SUPT3H: variants seen among roughly 807,000 people sequenced by gnomAD.
SUPT3H encodes SPT3 homolog, SAGA and STAGA complex component.
SUPT3H carries 44 observed loss-of-function variants against 44.3 expected under a neutral mutation model. That is an observed-to-expected ratio of 0.99 (90% CI 0.78 to 1.28). The LOEUF is 1.28. Among genes scored for constraint, SUPT3H ranks in the 50% most tolerant of loss-of-function variants. The pLI is 0.00. For missense variants in SUPT3H, 380 were observed against 387.1 expected (o/e 0.98, Z 0.15); for synonymous variants, 124 against 125.6 (o/e 0.99, Z 0.09).
chr6:45,316,879 A>C (rs1048140784), intron 2 of SUPT3H, among the ~76,000 whole-genome samples: 4 of 152,202 alleles, frequency 2.6e-5, no homozygotes, highest in Non-Finnish European at 4.4e-5. Context: ...AAATGGAAGA[A>C]GACACAATTA....
chr6:45,020,487 C>T lies in SUPT3H; in HGVS notation c.273+59G>A. Reference sequence around the variant, plus strand: ...ACATAACAAGGATATATAGTTTCCACATGCAAGTTCAATTAAACAAAACGT... The same window carrying T: ...ACATAACAAGGATATATAGTTTCCATATGCAAGTTCAATTAAACAAAACGT... On this transcript the variant is annotated intron_variant, in intron 4 of 10. Transcript: ENST00000371459. 3.1e-6 allele frequency: 4 copies of T among 1,290,430 alleles called. No individual in the cohort carries two copies. The South Asian group carries it at 5.1e-5, about 16-fold the overall frequency. The allele number at this position is 1,290,430 out of a possible 1,614,324, so 79.9% of individuals were successfully genotyped here. A position where few individuals can be genotyped will look rare whatever the true frequency, so the allele number is the denominator to read the frequency against.
intron 1 of SUPT3H, among the ~76,000 whole-genome samples, chr6:45,367,843 CAATTTTTATATCAAACAGGTG>C (rs897427739): frequency 6.6e-6 from 1 of 152,160 alleles, no homozygotes; most frequent in Non-Finnish European, 1.5e-5. Context: ...ACAGTCAAGT[CAATTTTTATATCAAACAGGTG>C]AATAACATTT....
chr6:44,924,205 T>C (rs1769174519), intron 10 of SUPT3H, among the ~76,000 whole-genome samples: 1 of 152,124 alleles, frequency 6.6e-6, no homozygotes, highest in Admixed American at 6.5e-5. Flanking sequence ...AACAAATAAT[T>C]TTTACTATTT....
intron 2 of SUPT3H, among the ~76,000 whole-genome samples, chr6:45,326,043 A>C (rs1295839843): frequency 1.3e-5 from 2 of 151,858 alleles, no homozygotes; most frequent in African/African-American, 4.8e-5. Flanking sequence ...CTGGTCCAAA[A>C]ATTACATGCA....
chr6:45,247,620 C>T (rs1771598497), intron 2 of SUPT3H, among the ~76,000 whole-genome samples: 1 of 151,844 alleles, frequency 6.6e-6, no homozygotes, highest in Non-Finnish European at 1.5e-5. Context: ...TTTGTGCCTA[C>T]CACTCTCAAT....
chr6:44,980,238 C>A (rs1437194745), intron 6 of SUPT3H, among the ~76,000 whole-genome samples: 1 of 150,612 alleles, frequency 6.6e-6, no homozygotes, highest in Non-Finnish European at 1.5e-5. Context: ...GGAGTGTACC[C>A]TTTCTCTAAA....
At chr6:44,916,445 T>C (rs535494681) in intron 10 of SUPT3H, among the ~76,000 whole-genome samples, 1 of 152,252 alleles carries the variant, frequency 6.6e-6, no homozygotes, top group African/African-American at 2.4e-5. Flanking sequence ...GGAAGTAAAA[T>C]GGTACTCAGA....
rs1399978240 is a variant in SUPT3H, at chr6:45,078,964, G to C, written c.186+26958C>G. Among the ~76,000 whole-genome samples the C allele has an allele frequency of 2.0e-5, 3 of 152,188 alleles. No homozygotes were observed. In the East Asian group the frequency reaches 5.8e-4, roughly 29 times the overall value. On this transcript the variant is annotated intron_variant, in intron 3 of 10. Coordinates refer to ENST00000371459, the MANE Select transcript of SUPT3H (RefSeq NM_003599.4). ...TAACATGGGACATTTGTGCTTTCTTGATCTCAATGTCCACATCTCTCCCCA... is the reference window on the plus strand; with the variant it reads ...TAACATGGGACATTTGTGCTTTCTTCATCTCAATGTCCACATCTCTCCCCA...
At chr6:44,820,752 T>TA (rs1767245877) in intron 11 of SUPT3H, among the ~76,000 whole-genome samples, 1 of 152,156 alleles carries the variant, frequency 6.6e-6, no homozygotes, top group African/African-American at 2.4e-5. Flanking sequence ...CAGTAAGTGT[T>TA]AGAGTGAAAA....
At chr6:45,170,407 C>G (rs1010208095) in intron 2 of SUPT3H, among the ~76,000 whole-genome samples, 6 of 152,122 alleles carry the variant, frequency 3.9e-5, no homozygotes, top group African/African-American at 1.4e-4. Flanking sequence ...AGAGCATATC[C>G]CCACACTCCT....
intron 5 of SUPT3H, among the ~76,000 whole-genome samples, chr6:45,004,500 C>T (rs1029025542): frequency 3.3e-5 from 5 of 151,872 alleles, no homozygotes; most frequent in Admixed American, 1.3e-4. Flanking sequence ...GTCCATAGAT[C>T]TTTTTCTTCA....
chr6:45,070,064 A>C (rs1421865452), intron 3 of SUPT3H, among the ~76,000 whole-genome samples: 1 of 152,118 alleles, frequency 6.6e-6, no homozygotes, highest in Non-Finnish European at 1.5e-5. Flanking sequence ...GGTCATTCCC[A>C]AGGAGGACTT....
chr6:45,239,306 C>T (rs1350656730), intron 2 of SUPT3H, among the ~76,000 whole-genome samples: 1 of 152,192 alleles, frequency 6.6e-6, no homozygotes, highest in Non-Finnish European at 1.5e-5. Flanking sequence ...CTTCCAGGAC[C>T]TTTAACTGAA....
chr6:45,298,994 T>C (rs1010703878), intron 2 of SUPT3H, among the ~76,000 whole-genome samples: 5 of 152,126 alleles, frequency 3.3e-5, no homozygotes, highest in African/African-American at 1.2e-4. Context: ...CGAAAAACCA[T>C]AAAACCACGT....
chr6:45,338,621 T>C (rs1391972976), intron 2 of SUPT3H, among the ~76,000 whole-genome samples: 5 of 152,116 alleles, frequency 3.3e-5, no homozygotes, highest in Non-Finnish European at 7.4e-5. Context: ...GACCATGTGA[T>C]AAAAATAATA....
chr6:45,373,082 C>T (rs1205365320), intron 1 of SUPT3H, among the ~76,000 whole-genome samples: 1 of 152,088 alleles, frequency 6.6e-6, no homozygotes, highest in Non-Finnish European at 1.5e-5. Flanking sequence ...GCTGGGATTA[C>T]AGTTGTGAGT....
chr6:44,946,912 A>AT (rs1773439581), intron 9 of SUPT3H, among the ~76,000 whole-genome samples: 1 of 152,158 alleles, frequency 6.6e-6, no homozygotes, highest in Admixed American at 6.6e-5. Flanking sequence ...AGAAAGGAAG[A>AT]GTCAATCAAT....
intron 2 of SUPT3H, among the ~76,000 whole-genome samples, chr6:45,132,531 A>G (rs890736848): frequency 5.3e-5 from 8 of 152,140 alleles, no homozygotes; most frequent in Admixed American, 1.3e-4. Flanking sequence ...TGAAACCAAC[A>G]CATTTTAAAT....
chr6:44,967,428 G>A (rs1016409463), intron 6 of SUPT3H, among the ~76,000 whole-genome samples: 1 of 152,258 alleles, frequency 6.6e-6, no homozygotes, highest in African/African-American at 2.4e-5. Flanking sequence ...GTTCAATATC[G>A]TGAATACAAC....
Sources: gnomAD v4.1 joint callset for allele counts (sites outside exome capture counted in the v4.1 genomes callset) on GRCh38, gnomAD v4.1.1 for gene constraint, MANE v1.5 for transcripts, NCBI Gene and HGNC (gene_info 2026-07-23, HGNC 2026-07-21) for gene names.